NALF1: variants seen among roughly 807,000 people sequenced by gnomAD.
NALF1 encodes family with sequence similarity 155 member A.
Under a neutral mutation model 48.4 loss-of-function variants are expected in NALF1, and 3 were observed. That is an observed-to-expected ratio of 0.06 (90% CI 0.03 to 0.16). The LOEUF (loss-of-function observed/expected upper bound fraction) is 0.16. Ranked by LOEUF, NALF1 falls within the 10% of genes least tolerant of loss-of-function variation. The probability of loss-of-function intolerance (pLI) is 1.00; values close to 1 mark genes in which losing one functional copy is unlikely to be tolerated. For missense variants in NALF1, 526 were observed against 571.5 expected, an observed-to-expected ratio of 0.92 and a Z score of 0.81; for synonymous variants, 262 against 245.7, an observed-to-expected ratio of 1.07 and a Z score of -0.62.
chr13:107,483,743 T>C (rs1391225073), intron 1 of NALF1, among the ~76,000 whole-genome samples: 1 of 152,072 alleles, frequency 6.6e-6, no homozygotes, highest in Non-Finnish European at 1.5e-5. Flanking sequence ...CTTACACTTG[T>C]GACATTACTA....
chr13:107,283,412 A>T (rs552217782), intron 1 of NALF1, among the ~76,000 whole-genome samples: 1 of 151,976 alleles, frequency 6.6e-6, no homozygotes, highest in Admixed American at 6.6e-5. Context: ...ACTCTCAAAA[A>T]TGGGCAAAAG....
At chr13:107,634,607 G>A (rs1202573561) in intron 1 of NALF1, among the ~76,000 whole-genome samples, 1 of 152,064 alleles carries the variant, frequency 6.6e-6, no homozygotes, top group African/African-American at 2.4e-5. Flanking sequence ...CAGAAAACCA[G>A]ACAAAAGGAG....
chr13:107,439,107 T>C (rs904846479), intron 1 of NALF1, among the ~76,000 whole-genome samples: 4 of 152,118 alleles, frequency 2.6e-5, no homozygotes, highest in Admixed American at 2.0e-4. Flanking sequence ...ATATTATATA[T>C]ATTTAATGCT....
chr13:107,413,840 G>A (rs1884036944), intron 1 of NALF1, among the ~76,000 whole-genome samples: 1 of 152,108 alleles, frequency 6.6e-6, no homozygotes, highest in Admixed American at 6.6e-5. Flanking sequence ...AGGCTGGAGT[G>A]GAGTGGCGCA....
chr13:107,642,647 C>T (rs2138459818), intron 1 of NALF1, among the ~76,000 whole-genome samples: 1 of 152,214 alleles, frequency 6.6e-6, no homozygotes, highest in Non-Finnish European at 1.5e-5. Context: ...TGTGGAAGGA[C>T]AGACACCAGC....
At chr13:107,703,177 C>T (rs1881865841) in intron 1 of NALF1, among the ~76,000 whole-genome samples, 1 of 152,102 alleles carries the variant, frequency 6.6e-6, no homozygotes, top group South Asian at 2.1e-4. Flanking sequence ...CACCTACTTA[C>T]CCATTTATTA....
intron 1 of NALF1, among the ~76,000 whole-genome samples, chr13:107,711,192 C>A (rs1875579227): frequency 6.6e-6 from 1 of 152,174 alleles, no homozygotes; most frequent in South Asian, 2.1e-4. Flanking sequence ...GAGGGAAGAG[C>A]GTGCATCTTT....
intron 1 of NALF1, chr13:107,788,945 C>T (rs906779620): frequency 2.6e-5 from 4 of 152,060 alleles, no homozygotes; most frequent in African/African-American, 9.7e-5. Flanking sequence ...ATATGGTTAA[C>T]CTAGTTAAGT....
chr13:107,262,769 GCTCTCT>G lies in NALF1; in HGVS notation c.916-52020_916-52015del, dbSNP rs1555329321. 3.0e-3 allele frequency among the ~76,000 whole-genome samples: 432 copies of G among 144,118 alleles called. 3 individuals carry two copies. Among genetic ancestry groups the G allele is most frequent in the African/African-American group, 0.011 (403 of 37,808 alleles). 94.5% of individuals were successfully genotyped at this position (144,118 alleles called of 152,430 possible). On this transcript the variant is annotated intron_variant, in intron 1 of 2. Transcript: ENST00000375915. ...ATATTAAGTTGCATAACCCACAGGCGCTCTCTCTCTCTCTCTCTCTCTCTCTCTCAT... is the reference window on the plus strand; with the variant it reads ...ATATTAAGTTGCATAACCCACAGGCGCTCTCTCTCTCTCTCTCTCTCTCAT...
At chr13:107,465,313 TTATATATA>T (rs56340741) in intron 1 of NALF1, among the ~76,000 whole-genome samples, 14,205 of 149,608 alleles carry the variant, frequency 0.095, 935 homozygotes, top group African/African-American at 0.19. Flanking sequence ...AACTGTATAA[TTATATATA>T]TATATATATA....
At chr13:107,310,849 T>TG in intron 1 of NALF1, among the ~76,000 whole-genome samples, 1 of 152,146 alleles carries the variant, frequency 6.6e-6, no homozygotes, top group South Asian at 2.1e-4. Context: ...GGCTAAGAGA[T>TG]GGGGTTTCAC....
intron 1 of NALF1, among the ~76,000 whole-genome samples, chr13:107,393,908 GA>G (rs1418514070): frequency 6.6e-6 from 1 of 152,124 alleles, no homozygotes; most frequent in African/African-American, 2.4e-5. Flanking sequence ...TATCACAAAT[GA>G]GAAAGAAATG....
chr13:107,185,897 G>A (rs1347166792), intron 2 of NALF1, among the ~76,000 whole-genome samples: 1 of 152,082 alleles, frequency 6.6e-6, no homozygotes, highest in Non-Finnish European at 1.5e-5. Flanking sequence ...CACTTACAAT[G>A]TCCACTTCTT....
chr13:107,728,556 CA>C (rs1219153265), intron 1 of NALF1, among the ~76,000 whole-genome samples: 1 of 151,402 alleles, frequency 6.6e-6, no homozygotes, highest in Non-Finnish European at 1.5e-5. Flanking sequence ...AGGGGAGGGA[CA>C]GCATTAGGAC....
In NALF1 at chr13:107,165,797, G is replaced by A. The variant is rs1878645516; in HGVS notation, c.*4700C>T. On this transcript the variant is annotated 3_prime_UTR_variant, in exon 3 of 3. Coordinates refer to ENST00000375915, the MANE Select transcript of NALF1 (RefSeq NM_001080396.3). Reference sequence around the variant, plus strand: ...TTTTTTATAAACATTGTTAAAGCTTGGAAGATGGAGATTCTGCCTGTTTCA... The same window carrying A: ...TTTTTTATAAACATTGTTAAAGCTTAGAAGATGGAGATTCTGCCTGTTTCA... The A allele has an allele frequency of 2.0e-5, 3 of 152,092 alleles. 1 individual carries two copies. The South Asian group carries it at 6.2e-4, about 32-fold the overall frequency. The allele number at this position is 152,092 out of a possible 1,614,324, so 9.4% of individuals were successfully genotyped here. A position where few individuals can be genotyped will look rare whatever the true frequency, so the allele number is the denominator to read the frequency against.
At chr13:107,695,719 A>G (rs191699439) in intron 1 of NALF1, among the ~76,000 whole-genome samples, 1 of 152,286 alleles carries the variant, frequency 6.6e-6, no homozygotes, top group Non-Finnish European at 1.5e-5. Flanking sequence ...ATCCTTGCTT[A>G]TGATATCTGT....
rs1875377982 is a variant in NALF1 at position 107,706,765 on chromosome 13, A to G, written c.915+158917T>C. Among the ~76,000 whole-genome samples, 5 of 152,364 alleles carry G rather than the reference A, an allele frequency of 3.3e-5. No individual in the cohort carries two copies. In the South Asian group the frequency reaches 1.0e-3, roughly 32 times the overall value. Reference sequence around the variant, plus strand: ...TTGGCTATACTGATTCAATTCTTCAACTGTAAACATCCTGCTTTCAAACTT... The same window carrying G: ...TTGGCTATACTGATTCAATTCTTCAGCTGTAAACATCCTGCTTTCAAACTT... On this transcript the variant is annotated intron_variant, in intron 1 of 2. Coordinates refer to ENST00000375915, the MANE Select transcript of NALF1 (RefSeq NM_001080396.3).
intron 2 of NALF1, among the ~76,000 whole-genome samples, chr13:107,186,074 G>C (rs972349134): frequency 6.6e-6 from 1 of 152,160 alleles, no homozygotes; most frequent in African/African-American, 2.4e-5. Context: ...TCATCCATTA[G>C]TCCAGCATGT....
chr13:107,480,214 C>A (rs1594085630), intron 1 of NALF1, among the ~76,000 whole-genome samples: 2 of 152,210 alleles, frequency 1.3e-5, no homozygotes, highest in Admixed American at 1.3e-4. Context: ...ATGAGGGCCT[C>A]CAGTAAATGT....
Sources: gnomAD v4.1 joint callset for allele counts (sites outside exome capture counted in the v4.1 genomes callset) on GRCh38, gnomAD v4.1.1 for gene constraint, MANE v1.5 for transcripts, NCBI Gene and HGNC (gene_info 2026-07-23, HGNC 2026-07-21) for gene names.